PIERCE1: variants seen among roughly 807,000 people sequenced by gnomAD.
The protein encoded by PIERCE1 is piercer of microtubule wall 1.
chr9:135,498,602 T>G, the PIERCE1 span: 1 of 1,613,982 alleles, frequency 6.2e-7, no homozygotes, highest in Middle Eastern at 1.7e-4. The surrounding 1 kb of genome is among the most constrained non-coding windows in gnomAD (Gnocchi z 4.1). Context: ...TCGTGCACGG[T>G]GGGGGCTCTG....
chr9:135,496,042 C>T, the PIERCE1 span, among the ~76,000 whole-genome samples: 3 of 152,184 alleles, frequency 2.0e-5, no homozygotes, highest in African/African-American at 7.2e-5. Context: ...GGGCTGGGTG[C>T]GGTGGCTCAC....
the PIERCE1 span, chr9:135,499,493 G>A: frequency 8.2e-6 from 6 of 733,348 alleles, no homozygotes; most frequent in Non-Finnish European, 1.5e-5. Flanking sequence ...CTCCCCCCAC[G>A]GCCCTGCCCC....
chr9:135,497,911 A>C, the PIERCE1 span, among the ~76,000 whole-genome samples: 1 of 152,210 alleles, frequency 6.6e-6, no homozygotes, highest in Non-Finnish European at 1.5e-5. Flanking sequence ...ATGCTTTGAC[A>C]ACGAAAATAC....
At chr9:135,498,794 G>A in the PIERCE1 span, 28 of 822,604 alleles carry the variant, frequency 3.4e-5, no homozygotes, top group Non-Finnish European at 5.2e-5. The surrounding 1 kb of genome is among the most constrained non-coding windows in gnomAD (Gnocchi z 4.1). Flanking sequence ...GGCTGGTGAT[G>A]TGGCCTCGAA....
chr9:135,495,270 C>T, the PIERCE1 span: 93 of 661,996 alleles, frequency 1.4e-4, no homozygotes, highest in Non-Finnish European at 1.5e-4. Context: ...ACTTCACGGC[C>T]CCGTTTGCAT....
the PIERCE1 span, among the ~76,000 whole-genome samples, chr9:135,496,587 A>G: frequency 1.1e-4 from 16 of 152,204 alleles, no homozygotes; most frequent in Non-Finnish European, 2.2e-4. Flanking sequence ...AATTGAACAG[A>G]AAGTACGGAG....
the PIERCE1 span, among the ~76,000 whole-genome samples, chr9:135,497,077 G>A: frequency 3.1e-4 from 47 of 152,326 alleles, 2 homozygotes; most frequent in South Asian, 7.0e-3. Flanking sequence ...GATTACAGGC[G>A]TGAGCCACCA....
At chr9:135,496,123 T>G in the PIERCE1 span, among the ~76,000 whole-genome samples, 1 of 152,210 alleles carries the variant, frequency 6.6e-6, no homozygotes, top group Non-Finnish European at 1.5e-5. Context: ...GAGACCAGCC[T>G]GGCCAACATA....
chr9:135,495,608 A>G, the PIERCE1 span: 2 of 1,613,044 alleles, frequency 1.2e-6, no homozygotes, highest in Admixed American at 3.3e-5. Flanking sequence ...ATTTGGATAA[A>G]ATACTTTCTA....
the PIERCE1 span, chr9:135,495,528 C>T: frequency 6.8e-6 from 11 of 1,614,010 alleles, no homozygotes; most frequent in Admixed American, 8.3e-5. Context: ...ATGCTTTTCT[C>T]CAGGTAAACA....
chr9:135,497,391 T>G, the PIERCE1 span, among the ~76,000 whole-genome samples: 50 of 112,500 alleles, frequency 4.4e-4, no homozygotes, highest in South Asian at 2.3e-3. Context: ...GTGTGCTGGG[T>G]TTTTTTTTCT....
chr9:135,495,463 G>T, the PIERCE1 span: 11 of 1,613,958 alleles, frequency 6.8e-6, no homozygotes, highest in Middle Eastern at 1.6e-4. Context: ...TGTTGTAACT[G>T]GGGTGGAAGT....
the PIERCE1 span, among the ~76,000 whole-genome samples, chr9:135,498,231 T>A: frequency 6.6e-6 from 1 of 152,210 alleles, no homozygotes; most frequent in African/African-American, 2.4e-5. This position sits in a 1 kb window ranked among gnomAD's most constrained non-coding sequence, Gnocchi z 4.1. Flanking sequence ...CCTTCATTTA[T>A]TTGCCTCAGA....
the PIERCE1 span, chr9:135,495,744 C>A: frequency 1.2e-6 from 1 of 819,214 alleles, no homozygotes; most frequent in East Asian, 2.7e-5. Context: ...GATGGCCTGG[C>A]TCACCCCAGA....
At chr9:135,497,183 G>A in the PIERCE1 span, among the ~76,000 whole-genome samples, 14 of 152,170 alleles carry the variant, frequency 9.2e-5, no homozygotes, top group African/African-American at 3.4e-4. Context: ...CCTTGGTCAC[G>A]AAACTGGAAA....
chr9:135,499,733 T>A, the PIERCE1 span: 18 of 1,607,890 alleles, frequency 1.1e-5, no homozygotes, highest in African/African-American at 2.4e-4. Flanking sequence ...CCACCCCGGG[T>A]TGTTGAACCT....
chr9:135,499,856 C>G, the PIERCE1 span: 2 of 1,556,120 alleles, frequency 1.3e-6, no homozygotes, highest in Admixed American at 3.9e-5. Context: ...AGCCATTGTG[C>G]CTGGAGGAGA....
the PIERCE1 span, among the ~76,000 whole-genome samples, chr9:135,497,713 C>T: frequency 6.6e-6 from 1 of 152,236 alleles, no homozygotes; most frequent in Non-Finnish European, 1.5e-5. Flanking sequence ...GCGTGAGCCA[C>T]CGCATCCAGC....
At chr9:135,498,319 G>A in the PIERCE1 span, among the ~76,000 whole-genome samples, 2 of 152,102 alleles carry the variant, frequency 1.3e-5, no homozygotes, top group African/African-American at 4.8e-5. This position sits in a 1 kb window ranked among gnomAD's most constrained non-coding sequence, Gnocchi z 4.1. Context: ...GTGTATGGGG[G>A]CAGGGTGATG....
Sources: gnomAD v4.1 joint callset for allele counts (sites outside exome capture counted in the v4.1 genomes callset) on GRCh38, gnomAD v4.1.1 for gene constraint, Gnocchi (gnomAD v3.1) non-coding constraint, MANE v1.5 for transcripts, NCBI Gene and HGNC (gene_info 2026-07-23, HGNC 2026-07-21) for gene names.